FANCI: variants seen among roughly 807,000 people sequenced by gnomAD.
FANCI encodes Fanconi anemia group I protein.
Under a neutral mutation model 176.1 loss-of-function variants are expected in FANCI, and 156 were observed. The observed-to-expected ratio is 0.89, with a 90% confidence interval of 0.78 to 1.01. FANCI has a LOEUF of 1.01. FANCI is among the 50% of genes least tolerant of loss of function. FANCI has a pLI of 0.00. For missense variants in FANCI, 1,678 were observed against 1,534.1 expected (o/e 1.09, Z -1.57); for synonymous variants, 613 against 541.7 (o/e 1.13, Z -1.83).
At position 89,314,626 on chromosome 15, in the gene FANCI, G is replaced by C. The variant is rs772649938; in HGVS notation, c.3735G>C (p.Arg1245=). Residue 1245 remains arginine, a synonymous_variant, in exon 36 of 38, where the codon CGG becomes CGC. Transcript: ENST00000310775. The part of the protein sequence containing the change: ...AVATAMARVL[R]ETKPIPNLIF... The stretch of plus-strand genomic sequence containing the variant: ...TTTGCCCTTAGGCCAGAGTTCTTCG[G>C]GAAACCAAGCCAATCCCTAACCTCA... The C allele has an allele frequency of 3.1e-6, 5 of 1,613,908 alleles. No homozygotes were observed. The highest frequency in any genetic ancestry group is 2.2e-5 in the South Asian group (2 of 91,074).
chr15:89,274,676 C>G (rs1302875481), intron 12 of FANCI, among the ~76,000 whole-genome samples: 3 of 131,208 alleles, frequency 2.3e-5, no homozygotes, highest in Non-Finnish European at 3.1e-5. Context: ...ACAATCTTGG[C>G]TCACTGCACC....
At chr15:89,294,785 C>T (rs2054191541) in intron 23 of FANCI, 130 bp from the exon 24 acceptor site, 1 of 873,038 alleles carries the variant, frequency 1.1e-6, no homozygotes, top group Non-Finnish European at 1.7e-6. Context: ...AGAGAGTCTG[C>T]CAGTCGGAAC....
At chr15:89,263,297 C>T in intron 6 of FANCI, 122 bp from the exon 7 acceptor site, 1 of 756,366 alleles carries the variant, frequency 1.3e-6, no homozygotes, top group Non-Finnish European at 2.3e-6. Context: ...TTTATTTGAT[C>T]TTGTTTCTCG....
intron 24 of FANCI, among the ~76,000 whole-genome samples, chr15:89,296,979 C>A (rs1473654854): frequency 2.7e-5 from 4 of 150,656 alleles, no homozygotes; most frequent in South Asian, 4.2e-4. Context: ...TGACCCCCCC[C>A]ACCTCCCTCC....
Position 89,307,476 on chromosome 15 carries a change from T to A in FANCI, c.3538T>A (p.Tyr1180Asn), listed in dbSNP as rs1227745218. 2.5e-6 allele frequency: 4 copies of A among 1,613,796 alleles called. No homozygotes were observed. The highest frequency in any genetic ancestry group is 1.3e-5 in the African/African-American group (1 of 74,912). ...AAATCTAGGAATCTTTTTTTATTAG[T>A]ATCTCCAGGTGTGTCAGAGCTCCGG... is the stretch of plus-strand genomic sequence containing the variant. Reference protein sequence around the residue: ...YTTLTALVRYYLQVCQSSGGI... With the variant: ...YTTLTALVRYNLQVCQSSGGI... The change falls in exon 33 of 38, where the codon TAT (tyrosine) becomes AAT (asparagine). Residue 1180 changes from tyrosine to asparagine, a missense_variant and splice_region_variant. By Grantham distance (143) the Tyr-to-Asn change is moderately radical. Transcript: ENST00000310775.
At chr15:89,257,196 A>G (rs969411055) in intron 2 of FANCI, among the ~76,000 whole-genome samples, 1 of 152,106 alleles carries the variant, frequency 6.6e-6, no homozygotes, top group Admixed American at 6.5e-5. Flanking sequence ...ATGAGCCACC[A>G]CGCTTGGCCA....
intron 23 of FANCI, among the ~76,000 whole-genome samples, chr15:89,294,375 A>G (rs926353661): frequency 7.2e-5 from 11 of 152,192 alleles, no homozygotes; most frequent in Non-Finnish European, 1.2e-4. Flanking sequence ...ACCTGAGGTC[A>G]AAAGTTCAAG....
chr15:89,252,350 T>TA (rs1271697245), intron 2 of FANCI, among the ~76,000 whole-genome samples: 5 of 151,174 alleles, frequency 3.3e-5, no homozygotes, highest in African/African-American at 1.2e-4. Flanking sequence ...GATGGCATGA[T>TA]AGTATACCTG....
chr15:89,252,035 C>T (rs1159306372), intron 2 of FANCI, among the ~76,000 whole-genome samples: 2 of 152,174 alleles, frequency 1.3e-5, no homozygotes, highest in African/African-American at 4.8e-5. Flanking sequence ...TGCAGTGGCT[C>T]ACACCCATAA....
intron 2 of FANCI, among the ~76,000 whole-genome samples, chr15:89,251,642 TAAAA>T (rs1208804190): frequency 1.3e-5 from 2 of 152,082 alleles, no homozygotes; most frequent in African/African-American, 4.8e-5. Flanking sequence ...ACACCACATT[TAAAA>T]AAAGTACACC....
chr15:89,294,088 TACAGTAAGAA>T, intron 23 of FANCI, 91 bp downstream of exon 23: 1 of 1,417,086 alleles, frequency 7.1e-7, no homozygotes, highest in South Asian at 1.2e-5. Context: ...TTGGATTGTT[TACAGTAAGAA>T]ATAAGTCAGG....
At chr15:89,257,830 G>A (rs2052560298) in intron 2 of FANCI, among the ~76,000 whole-genome samples, 1 of 152,112 alleles carries the variant, frequency 6.6e-6, no homozygotes, top group Non-Finnish European at 1.5e-5. Context: ...TCTACTAACA[G>A]GTATCCCCAT....
intron 37 of FANCI, 195 bp from the exon 38 acceptor site, chr15:89,316,202 T>C (rs895539157): frequency 1.6e-6 from 1 of 626,894 alleles, no homozygotes; most frequent in South Asian, 1.9e-5. Flanking sequence ...GGTGCCACTG[T>C]CTTATTACTC....
In FANCI at chr15:89,297,935, T is replaced by C. The variant is rs569172483; in HGVS notation, c.2637-1865T>C. Among the ~76,000 whole-genome samples, 72 of 152,186 alleles carry C rather than the reference T, an allele frequency of 4.7e-4. 1 individual carries two copies. The Middle Eastern group carries it at 0.017, about 36-fold the overall frequency. Reference sequence around the variant, plus strand: ...ATTGTTAGTCACATATAAAATGTTATGCTATTATTGGGGAAAAAAAGAGGG... The same window carrying C: ...ATTGTTAGTCACATATAAAATGTTACGCTATTATTGGGGAAAAAAAGAGGG... On this transcript the variant is annotated intron_variant, in intron 24 of 37. Transcript: ENST00000310775.
chr15:89,252,241 A>C (rs1051303211), intron 2 of FANCI, among the ~76,000 whole-genome samples: 7 of 151,636 alleles, frequency 4.6e-5, no homozygotes, highest in Non-Finnish European at 7.4e-5. Flanking sequence ...TGGAGGTTGC[A>C]GTGAGCCCAG....
At chr15:89,303,774 A>C (rs2054609991) in intron 27 of FANCI, 90 bp from the exon 28 acceptor site, 1 of 1,113,506 alleles carries the variant, frequency 9.0e-7, no homozygotes, top group East Asian at 2.4e-5. Flanking sequence ...ATTTGCTTAG[A>C]TATGGAAAGG....
chr15:89,251,373 A>G (rs932655391), intron 2 of FANCI, among the ~76,000 whole-genome samples: 3 of 152,242 alleles, frequency 2.0e-5, no homozygotes, highest in African/African-American at 7.2e-5. Context: ...AACTTCTGTC[A>G]AACCTTTAGA....
At chr15:89,261,954 A>G (rs545051901) in intron 6 of FANCI, 76 bp downstream of exon 6, 1 of 1,324,054 alleles carries the variant, frequency 7.6e-7, no homozygotes, top group Non-Finnish European at 1.1e-6. Context: ...TCAGGAATTT[A>G]TGTCTGGAGG....
chr15:89,300,465 G>A (rs2054486620), intron 26 of FANCI, 80 bp downstream of exon 26: 1 of 1,266,286 alleles, frequency 7.9e-7, no homozygotes, highest in East Asian at 2.4e-5. Flanking sequence ...TGGTAAGAAT[G>A]GGCAGACAGT....
Sources: allele counts gnomAD v4.1 joint callset (sites outside exome capture counted in the v4.1 genomes callset), GRCh38; gene constraint gnomAD v4.1.1; transcripts MANE v1.5; gene names NCBI Gene and HGNC (gene_info 2026-07-23, HGNC 2026-07-21).